LRMDA: variants seen among roughly 807,000 people sequenced by gnomAD.
LRMDA encodes leucine rich melanocyte differentiation associated, also known as leucine-rich melanocyte differentiation-associated protein.
A neutral mutation model predicts 29.8 loss-of-function variants in LRMDA; 18 were observed. The ratio of observed to expected loss-of-function variants is 0.60; its 90% confidence interval spans 0.42 to 0.90. The LOEUF (loss-of-function observed/expected upper bound fraction) is 0.90, where lower values mean the gene tolerates loss of function less well. Ranked by LOEUF, LRMDA falls within the 40% of genes least tolerant of loss-of-function variation. The pLI is 0.00. For synonymous variants in LRMDA, 125 were observed against 109.4 expected, an observed-to-expected ratio of 1.14 and a Z score of -0.89; for missense variants, 273 against 273.9, an observed-to-expected ratio of 1.00 and a Z score of 0.02.
intron 2 of LRMDA, among the ~76,000 whole-genome samples, chr10:75,556,120 T>C (rs1177604941): frequency 6.6e-6 from 1 of 151,828 alleles, no homozygotes; most frequent in African/African-American, 2.4e-5. Context: ...TGGCTGAAAA[T>C]ATCCCAAATT....
At chr10:75,674,168 A>G (rs1029370688) in intron 2 of LRMDA, among the ~76,000 whole-genome samples, 6 of 152,190 alleles carry the variant, frequency 3.9e-5, no homozygotes, top group Non-Finnish European at 8.8e-5. Flanking sequence ...AACTAGTAAT[A>G]TAAGTTTTAA....
chr10:76,031,152 C>T (rs1848141804), intron 2 of LRMDA, among the ~76,000 whole-genome samples: 1 of 152,132 alleles, frequency 6.6e-6, no homozygotes, highest in African/African-American at 2.4e-5. Flanking sequence ...GCATTGGCCT[C>T]CTAGTTTCTG....
chr10:76,167,130 T>G (rs1850755089), intron 5 of LRMDA, among the ~76,000 whole-genome samples: 2 of 152,110 alleles, frequency 1.3e-5, no homozygotes. Flanking sequence ...TGTCTGTGTT[T>G]CTTGCCCACT....
chr10:75,684,850 T>C (rs1842064019), intron 2 of LRMDA, among the ~76,000 whole-genome samples: 1 of 152,202 alleles, frequency 6.6e-6, no homozygotes, highest in Non-Finnish European at 1.5e-5. Flanking sequence ...CCCAGCTCAG[T>C]GAGGCAGCCG....
intron 2 of LRMDA, among the ~76,000 whole-genome samples, chr10:75,973,289 G>A (rs1008422286): frequency 1.3e-5 from 2 of 152,218 alleles, no homozygotes; most frequent in African/African-American, 4.8e-5. Context: ...TCAGGACTAT[G>A]TGACACTGTT....
intron 2 of LRMDA, among the ~76,000 whole-genome samples, chr10:75,757,798 CT>C (rs139801931): frequency 1.6e-3 from 218 of 139,992 alleles, no homozygotes; most frequent in Middle Eastern, 7.8e-3. Context: ...AATTTTCTTT[CT>C]TTTTTTTTTT....
intron 5 of LRMDA, among the ~76,000 whole-genome samples, chr10:76,086,466 T>A (rs146297441): frequency 6.6e-6 from 1 of 152,340 alleles, no homozygotes; most frequent in African/African-American, 2.4e-5. Flanking sequence ...TTCATCAAAC[T>A]CATCATTCAG....
intron 2 of LRMDA, among the ~76,000 whole-genome samples, chr10:75,582,781 C>T (rs1332884805): frequency 6.6e-6 from 1 of 152,160 alleles, no homozygotes; most frequent in Non-Finnish European, 1.5e-5. Context: ...CTCTGCTTTC[C>T]CTTTAAATAT....
At chr10:76,324,590 A>G in intron 6 of LRMDA, 105 bp downstream of exon 6, 1 of 975,346 alleles carries the variant, frequency 1.0e-6, no homozygotes, top group Non-Finnish European at 1.6e-6. Context: ...GAAAGAACAC[A>G]GTGCTTTTTA....
intron 6 of LRMDA, among the ~76,000 whole-genome samples, chr10:76,437,912 G>A (rs1589187367): frequency 1.3e-5 from 2 of 152,294 alleles, no homozygotes; most frequent in Middle Eastern, 3.4e-3. Flanking sequence ...ACAACCATAA[G>A]GTAGGTTGTA....
chr10:76,385,840 C>A, intron 6 of LRMDA, among the ~76,000 whole-genome samples: 1 of 152,114 alleles, frequency 6.6e-6, no homozygotes, highest in Middle Eastern at 3.2e-3. Context: ...TGACTTTAAC[C>A]TATTGTTTGG....
chr10:75,695,615 A>G lies in LRMDA; in HGVS notation c.131+257121A>G, dbSNP rs928189194. On this transcript the variant is annotated intron_variant, in intron 2 of 6. Coordinates refer to ENST00000611255, the MANE Select transcript of LRMDA (RefSeq NM_001305581.2). ...TAACTGACCTGAAAAGTCTTTAGCT[A>G]TTCCCATTCAGAGTCCAGGCAGGAG... 6.6e-5 allele frequency among the ~76,000 whole-genome samples: 10 copies of G among 151,986 alleles called. No individual in the cohort carries two copies. The South Asian group carries it at 8.3e-4, about 13-fold the overall frequency.
In LRMDA at chr10:75,578,215, C is replaced by CAAAAA. The variant is rs1183989010; in HGVS notation, c.131+139741_131+139745dup. Among the ~76,000 whole-genome samples, 128 of 14,232 alleles carry CAAAAA rather than the reference C, an allele frequency of 9.0e-3. 17 individuals are homozygous for CAAAAA. Among genetic ancestry groups the CAAAAA allele is most frequent in the African/African-American group, 0.016 (109 of 6,812 alleles). The allele number at this position is 14,232 out of a possible 152,430, so 9.3% of individuals were successfully genotyped here. A position where few individuals can be genotyped will look rare whatever the true frequency, so the allele number is the denominator to read the frequency against. On this transcript the variant is annotated intron_variant, in intron 2 of 6. Transcript: ENST00000611255. ...GTATATTTACCAAGCAAATGGAAAG[C>CAAAAA]AAAAAAAAAAAAAAAAAAAAAAAAG...
chr10:76,273,872 A>G (rs1027124387), intron 5 of LRMDA, among the ~76,000 whole-genome samples: 1 of 152,232 alleles, frequency 6.6e-6, no homozygotes, highest in African/African-American at 2.4e-5. Context: ...AGTACCTGCC[A>G]TATAGGAAAT....
At position 76,404,656 on chromosome 10, in the gene LRMDA, C is replaced by T. The variant is rs184841597; in HGVS notation, c.601+80171C>T. ...TTCCTGGGTATATGAATGGCTCAATCGTTTCTTTCCTTGAGCTGTTTCCTC... is the reference window on the plus strand; with the variant it reads ...TTCCTGGGTATATGAATGGCTCAATTGTTTCTTTCCTTGAGCTGTTTCCTC... On this transcript the variant is annotated intron_variant, in intron 6 of 6. Transcript: ENST00000611255. Among the ~76,000 whole-genome samples, 480 of 152,290 alleles carry T rather than the reference C, an allele frequency of 3.2e-3. 2 individuals are homozygous for T. Among genetic ancestry groups the T allele is most frequent in the African/African-American group, 0.011 (441 of 41,558 alleles).
intron 2 of LRMDA, among the ~76,000 whole-genome samples, chr10:76,011,271 A>G (rs935999233): frequency 1.3e-5 from 2 of 152,204 alleles, no homozygotes; most frequent in African/African-American, 4.8e-5. Flanking sequence ...ATTTATCACA[A>G]AAGACCCCAA....
At chr10:76,501,945 A>G (rs1243737138) in intron 6 of LRMDA, among the ~76,000 whole-genome samples, 1 of 151,858 alleles carries the variant, frequency 6.6e-6, no homozygotes, top group Non-Finnish European at 1.5e-5. Flanking sequence ...GGCCTCTGTC[A>G]TGAAGAGTAT....
intron 6 of LRMDA, among the ~76,000 whole-genome samples, chr10:76,355,347 G>A (rs968456595): frequency 1.3e-5 from 2 of 152,216 alleles, no homozygotes; most frequent in African/African-American, 2.4e-5. Context: ...AGAACTCTCC[G>A]TTAAAGAAAT....
intron 2 of LRMDA, among the ~76,000 whole-genome samples, chr10:75,881,014 G>C (rs1422729109): frequency 6.6e-6 from 1 of 152,142 alleles, no homozygotes; most frequent in African/African-American, 2.4e-5. Context: ...CTTACCTGGA[G>C]TCCACCTGGC....
Sources: gnomAD v4.1 joint callset for allele counts (sites outside exome capture counted in the v4.1 genomes callset) on GRCh38, gnomAD v4.1.1 for gene constraint, MANE v1.5 for transcripts, NCBI Gene and HGNC (gene_info 2026-07-23, HGNC 2026-07-21) for gene names.